NEK1: variants seen among roughly 807,000 people sequenced by gnomAD.
The protein encoded by NEK1 is NIMA related kinase 1.
NEK1 carries 137 observed loss-of-function variants against 182.1 expected under a neutral mutation model. The ratio of observed to expected loss-of-function variants is 0.75; its 90% CI spans 0.65 to 0.87. The LOEUF is 0.87. NEK1 is among the 40% of genes least tolerant of loss of function. The pLI, the probability that NEK1 is intolerant of heterozygous loss-of-function variation, is 0.00. For missense variants in NEK1, 1,391 were observed against 1,494.4 expected (o/e 0.93, Z 1.14); for synonymous variants, 513 against 492.2 (o/e 1.04, Z -0.56).
intron 32 of NEK1, among the ~76,000 whole-genome samples, chr4:169,405,060 T>C (rs929484275): frequency 6.6e-6 from 1 of 152,198 alleles, no homozygotes; most frequent in Non-Finnish European, 1.5e-5. Context: ...AAGAGGTAGA[T>C]GTGGAGCTTT....
At chr4:169,488,082 C>T (rs1749370650) in intron 23 of NEK1, among the ~76,000 whole-genome samples, 2 of 151,936 alleles carry the variant, frequency 1.3e-5, no homozygotes, top group Non-Finnish European at 2.9e-5. Flanking sequence ...AGCTCTTTGT[C>T]AGATGGATAG....
At chr4:169,397,140 C>T (rs1390889536) in intron 35 of NEK1, among the ~76,000 whole-genome samples, 3 of 152,118 alleles carry the variant, frequency 2.0e-5, no homozygotes, top group African/African-American at 4.8e-5. Flanking sequence ...GGGAGGACTG[C>T]TTGAGCCCAG....
intron 23 of NEK1, among the ~76,000 whole-genome samples, chr4:169,482,557 G>A (rs765962200): frequency 7.4e-5 from 11 of 149,358 alleles, no homozygotes; most frequent in South Asian, 2.1e-4. Context: ...AGCAATTCTC[G>A]TGCCTCAGTC....
intron 18 of NEK1, among the ~76,000 whole-genome samples, chr4:169,542,919 T>C (rs1466364016): frequency 1.3e-5 from 2 of 152,228 alleles, no homozygotes; most frequent in African/African-American, 4.8e-5. Context: ...TGCAAAATTT[T>C]TCTCCCATTC....
chr4:169,482,158 G>A (rs563062432), intron 23 of NEK1, among the ~76,000 whole-genome samples: 67 of 152,312 alleles, frequency 4.4e-4, no homozygotes, highest in Middle Eastern at 3.4e-3. Flanking sequence ...TAGTCTTCAC[G>A]GAATTGAGGA....
intron 32 of NEK1, among the ~76,000 whole-genome samples, chr4:169,402,712 G>A (rs1414240085): frequency 6.6e-6 from 1 of 152,112 alleles, no homozygotes; most frequent in Non-Finnish European, 1.5e-5. Flanking sequence ...TGAAAACTAT[G>A]AACCAAAATG....
intron 27 of NEK1, among the ~76,000 whole-genome samples, chr4:169,440,003 T>C (rs1739141528): frequency 6.6e-6 from 1 of 151,692 alleles, no homozygotes; most frequent in African/African-American, 2.4e-5. Context: ...CACGGCACTA[T>C]GCCTGGCTAA....
intron 13 of NEK1, 112 bp from the exon 14 acceptor site, chr4:169,562,003 A>G: frequency 1.1e-6 from 1 of 951,174 alleles, no homozygotes; most frequent in South Asian, 1.8e-5. Flanking sequence ...TTTTTTTTTT[A>G]AAAAAAAAAA....
rs192877325 is a variant in NEK1, at chr4:169,542,714, T to C, written c.1563-4803A>G. The stretch of plus-strand genomic sequence containing the variant: ...CCATTTGGTGTGAGATGGTATCTCA[T>C]TGTGGTTTTGATTTGCATTTCTTTA... On this transcript the variant is annotated intron_variant, in intron 18 of 35. Transcript: ENST00000507142. Among the ~76,000 whole-genome samples the C allele has an allele frequency of 6.8e-3, 1,030 of 152,298 alleles. 11 individuals carry two copies. Among genetic ancestry groups the C allele is most frequent in the African/African-American group, 0.024 (993 of 41,560 alleles).
At chr4:169,421,837 T>A (rs1394040513) in intron 31 of NEK1, among the ~76,000 whole-genome samples, 1 of 152,218 alleles carries the variant, frequency 6.6e-6, no homozygotes. Flanking sequence ...CAGCAATTTA[T>A]AGTTCAAATA....
chr4:169,423,061 G>C (rs1227956483), intron 31 of NEK1, among the ~76,000 whole-genome samples: 2 of 152,092 alleles, frequency 1.3e-5, no homozygotes, highest in Non-Finnish European at 2.9e-5. Context: ...TCCACAAAAT[G>C]AAAGTATACC....
intron 23 of NEK1, among the ~76,000 whole-genome samples, chr4:169,495,039 T>A (rs946366229): frequency 8.3e-4 from 127 of 152,238 alleles, no homozygotes; most frequent in African/African-American, 2.9e-3. Flanking sequence ...ATTCTGTAGG[T>A]TGCCTGTTCA....
chr4:169,478,627 G>C (rs1341527638), intron 24 of NEK1, among the ~76,000 whole-genome samples: 2 of 152,034 alleles, frequency 1.3e-5, no homozygotes, highest in African/African-American at 2.4e-5. Context: ...AAAAAAAACA[G>C]CTAGTGTACC....
At chr4:169,397,240 T>C (rs200686860) in intron 35 of NEK1, among the ~76,000 whole-genome samples, 15 of 143,340 alleles carry the variant, frequency 1.0e-4, no homozygotes, top group Non-Finnish European at 1.9e-4. Context: ...AAAAAAAAAA[T>C]CCCAACAAAA....
intron 35 of NEK1, among the ~76,000 whole-genome samples, chr4:169,399,085 C>G (rs1290593878): frequency 2.0e-5 from 3 of 151,538 alleles, no homozygotes; most frequent in Non-Finnish European, 4.4e-5. Flanking sequence ...CCCATCTCTA[C>G]TAAAAATACA....
intron 12 of NEK1, among the ~76,000 whole-genome samples, chr4:169,571,301 C>G (rs976045946): frequency 6.6e-5 from 10 of 152,166 alleles, no homozygotes; most frequent in African/African-American, 2.4e-4. Flanking sequence ...AGGTGGATTA[C>G]TTGAGGCCAG....
At chr4:169,599,452 C>G (rs1475691829) in intron 4 of NEK1, among the ~76,000 whole-genome samples, 1 of 152,090 alleles carries the variant, frequency 6.6e-6, no homozygotes, top group Non-Finnish European at 1.5e-5. Context: ...TTGCATTGAC[C>G]TAAACATCTC....
At chr4:169,574,781 C>T (rs1765439144) in intron 12 of NEK1, among the ~76,000 whole-genome samples, 1 of 152,052 alleles carries the variant, frequency 6.6e-6, no homozygotes, top group African/African-American at 2.4e-5. Context: ...TTCCTTCATC[C>T]TACCTCTAGA....
chr4:169,595,816 A>C (rs7682570), intron 5 of NEK1, among the ~76,000 whole-genome samples: 2 of 148,974 alleles, frequency 1.3e-5, no homozygotes, highest in African/African-American at 4.9e-5. Flanking sequence ...CCTGCTACTC[A>C]GGAGGCTGAG....
Sources: gnomAD v4.1 joint callset for allele counts (sites outside exome capture counted in the v4.1 genomes callset) on GRCh38, gnomAD v4.1.1 for gene constraint, MANE v1.5 for transcripts, NCBI Gene and HGNC (gene_info 2026-07-23, HGNC 2026-07-21) for gene names.